The following NEGR1 variants were observed in gnomAD, a reference collection of about 807,000 sequenced individuals.
The protein encoded by NEGR1 is neuronal growth regulator 1, also known as IgLON family member 4.
In NEGR1, 10 loss-of-function variants were observed where a neutral mutation model predicts 40.9. The ratio of observed to expected loss-of-function variants is 0.24; its 90% CI spans 0.15 to 0.42. NEGR1 has a LOEUF of 0.42. Ranked by LOEUF, NEGR1 falls within the 10% of genes least tolerant of loss-of-function variation. NEGR1 has a pLI of 1.00. For missense variants in NEGR1, 352 were observed against 438.9 expected (o/e 0.80, Z 1.77); for synonymous variants, 185 against 166.8 (o/e 1.11, Z -0.84).
intron 3 of NEGR1, among the ~76,000 whole-genome samples, chr1:71,705,500 G>T (rs1477053595): frequency 6.6e-6 from 1 of 152,100 alleles, no homozygotes; most frequent in East Asian, 1.9e-4. Flanking sequence ...ATTAAACAAA[G>T]AACATGTGTT....
chr1:72,066,284 G>A (rs1647270537), intron 1 of NEGR1, among the ~76,000 whole-genome samples: 1 of 152,074 alleles, frequency 6.6e-6, no homozygotes, highest in African/African-American at 2.4e-5. Flanking sequence ...TAGATCCATG[G>A]ATTTAACAAA....
chr1:71,882,197 C>A (rs771594922), intron 2 of NEGR1, among the ~76,000 whole-genome samples: 1 of 152,010 alleles, frequency 6.6e-6, no homozygotes, highest in Non-Finnish European at 1.5e-5. Context: ...TTAGAAGGTG[C>A]AATTTAAATT....
intron 1 of NEGR1, among the ~76,000 whole-genome samples, chr1:72,281,049 T>C (rs555180616): frequency 6.6e-6 from 1 of 152,206 alleles, no homozygotes; most frequent in Non-Finnish European, 1.5e-5. Context: ...AATAAAATAT[T>C]CCCAGACTCC....
At chr1:71,583,769 T>A (rs374434056) in intron 6 of NEGR1, among the ~76,000 whole-genome samples, 45 of 152,282 alleles carry the variant, frequency 3.0e-4, no homozygotes, top group African/African-American at 1.0e-3. Context: ...TTAGGAAGTG[T>A]TTTAGAAAAC....
chr1:72,028,996 C>T (rs771011011), intron 1 of NEGR1, among the ~76,000 whole-genome samples: 9 of 151,884 alleles, frequency 5.9e-5, no homozygotes, highest in Admixed American at 2.0e-4. Flanking sequence ...AATGATAGTG[C>T]GAATATATCT....
At chr1:71,905,724 C>G (rs1316056034) in intron 2 of NEGR1, among the ~76,000 whole-genome samples, 1 of 151,780 alleles carries the variant, frequency 6.6e-6, no homozygotes, top group Non-Finnish European at 1.5e-5. Flanking sequence ...AAAACAGGGT[C>G]CACTGATAAA....
chr1:72,205,320 A>C (rs1653353370), intron 1 of NEGR1, among the ~76,000 whole-genome samples: 1 of 151,764 alleles, frequency 6.6e-6, no homozygotes, highest in Admixed American at 6.6e-5. Context: ...AGTATGGAAA[A>C]ACCAAATTGG....
chr1:71,418,498 A>G (rs1646372031), intron 6 of NEGR1, among the ~76,000 whole-genome samples: 1 of 151,832 alleles, frequency 6.6e-6, no homozygotes, highest in Admixed American at 6.6e-5. Context: ...TAGTTTTAAT[A>G]TGTAGCTCCT....
chr1:72,091,266 A>G (rs111670191), intron 1 of NEGR1, among the ~76,000 whole-genome samples: 5,059 of 152,176 alleles, frequency 0.033, 293 homozygotes, highest in African/African-American at 0.12. Flanking sequence ...ATATATCTAC[A>G]ATGATGGTGA....
chr1:72,105,512 T>C (rs377101756), intron 1 of NEGR1, among the ~76,000 whole-genome samples: 2 of 151,522 alleles, frequency 1.3e-5, no homozygotes, highest in East Asian at 3.9e-4. Context: ...GAGAAAAGTC[T>C]GGGAAACAAA....
intron 6 of NEGR1, chr1:71,408,898 C>T (rs868517517): frequency 5.3e-5 from 8 of 151,892 alleles, no homozygotes; most frequent in African/African-American, 1.7e-4. Context: ...TATATTGCTA[C>T]GTAACAAGAA....
intron 1 of NEGR1, among the ~76,000 whole-genome samples, chr1:72,036,820 A>C (rs1004018982): frequency 3.3e-5 from 5 of 152,108 alleles, no homozygotes; most frequent in African/African-American, 9.7e-5. Context: ...ATAGGCCAAA[A>C]TAACTGCAAA....
intron 2 of NEGR1, among the ~76,000 whole-genome samples, chr1:71,841,182 T>C (rs2101802373): frequency 6.6e-6 from 1 of 152,230 alleles, no homozygotes; most frequent in Middle Eastern, 3.4e-3. Flanking sequence ...AGAGATCACA[T>C]GAAGAATCCT....
chr1:72,060,151 C>A lies in NEGR1; in HGVS notation c.177-124840G>T, dbSNP rs185295919. Among the ~76,000 whole-genome samples the A allele has an allele frequency of 2.6e-5, 4 of 151,802 alleles. 1 individual carries two copies. The East Asian group carries it at 7.8e-4, about 29-fold the overall frequency. On this transcript the variant is annotated intron_variant, in intron 1 of 6. Transcript: ENST00000357731. ...CGATATTAATAATTTACACCCATGT[C>A]AATAGCATTTCCAAAATAACTCAAG...
chr1:71,460,901 T>C (rs1267946727), intron 6 of NEGR1, among the ~76,000 whole-genome samples: 1 of 152,092 alleles, frequency 6.6e-6, no homozygotes, highest in Non-Finnish European at 1.5e-5. Flanking sequence ...AGTGGAAGGG[T>C]TTTTGTTTTT....
chr1:72,022,002 G>A (rs973989666), intron 1 of NEGR1, among the ~76,000 whole-genome samples: 1 of 151,926 alleles, frequency 6.6e-6, no homozygotes, highest in Non-Finnish European at 1.5e-5. Flanking sequence ...GGGCGTGGTG[G>A]CAGGCGCCTG....
chr1:72,130,306 C>A (rs543064341), intron 1 of NEGR1, among the ~76,000 whole-genome samples: 9 of 152,272 alleles, frequency 5.9e-5, no homozygotes, highest in African/African-American at 2.2e-4. Context: ...TTGCCCGAAA[C>A]ACTGAAATAT....
chr1:71,709,085 G>T (rs993227482), intron 3 of NEGR1, among the ~76,000 whole-genome samples: 5 of 152,138 alleles, frequency 3.3e-5, no homozygotes, highest in African/African-American at 1.2e-4. Flanking sequence ...ATAATAGAAT[G>T]ATTTATATTC....
At chr1:71,584,245 C>T (rs1269270718) in intron 6 of NEGR1, among the ~76,000 whole-genome samples, 13 of 152,124 alleles carry the variant, frequency 8.5e-5, no homozygotes, top group Admixed American at 7.2e-4. Context: ...AGTCTTTTCC[C>T]TAGCAGTTTT....
Sources: gnomAD v4.1 joint callset for allele counts (sites outside exome capture counted in the v4.1 genomes callset) on GRCh38, gnomAD v4.1.1 for gene constraint, MANE v1.5 for transcripts, NCBI Gene and HGNC (gene_info 2026-07-23, HGNC 2026-07-21) for gene names.